The following ADAMTS17 variants were observed in gnomAD, a reference collection of about 807,000 sequenced individuals.
The protein encoded by ADAMTS17 is ADAM metallopeptidase with thrombospondin type 1 motif 17, also known as A disintegrin and metalloproteinase with thrombospondin motifs 17.
ADAMTS17 carries 113 observed loss-of-function variants against 141.5 expected under a neutral mutation model. The observed-to-expected ratio is 0.80, with a 90% CI of 0.69 to 0.93. The LOEUF (loss-of-function observed/expected upper bound fraction) is 0.93. Ranked by LOEUF, ADAMTS17 falls within the 40% of genes least tolerant of loss-of-function variation. The pLI, the probability that ADAMTS17 is intolerant of heterozygous loss-of-function variation, is 0.00. For synonymous variants in ADAMTS17, 768 were observed against 630.6 expected, an observed-to-expected ratio of 1.22 and a Z score of -3.27; for missense variants, 1,659 against 1,517.9, an observed-to-expected ratio of 1.09 and a Z score of -1.54.
chr15:99,978,872 T>C (rs1359119657), intron 20 of ADAMTS17: 1 of 152,210 alleles, frequency 6.6e-6, no homozygotes, highest in African/African-American at 2.4e-5. Flanking sequence ...GTGCTTGCAG[T>C]GGGCATTCAG....
intron 12 of ADAMTS17, among the ~76,000 whole-genome samples, chr15:100,130,911 G>T (rs1486818799): frequency 6.6e-6 from 1 of 152,072 alleles, no homozygotes; most frequent in African/African-American, 2.4e-5. Context: ...AAAGACACAC[G>T]CAGCCATATG....
chr15:100,299,599 C>G (rs909842558), intron 3 of ADAMTS17, among the ~76,000 whole-genome samples: 18 of 152,050 alleles, frequency 1.2e-4, no homozygotes, highest in African/African-American at 4.3e-4. Flanking sequence ...CAGAGCAAGA[C>G]AGGGCAAACA....
chr15:100,178,825 G>A (rs2040425986), intron 8 of ADAMTS17, among the ~76,000 whole-genome samples: 2 of 152,054 alleles, frequency 1.3e-5, no homozygotes, highest in Admixed American at 1.3e-4. Flanking sequence ...ATATAGGATT[G>A]AAAATTGAGA....
At chr15:100,054,840 A>G (rs1002980846) in intron 15 of ADAMTS17, among the ~76,000 whole-genome samples, 2 of 152,220 alleles carry the variant, frequency 1.3e-5, no homozygotes, top group African/African-American at 4.8e-5. Flanking sequence ...CTGACGGGCC[A>G]TAAGCAGAAA....
chr15:100,339,032 A>C (rs928023727), intron 2 of ADAMTS17: 8 of 985,422 alleles, frequency 8.1e-6, no homozygotes, highest in Non-Finnish European at 9.6e-6. Context: ...AGCTCACACG[A>C]ACGGGATGAA....
At chr15:100,153,393 C>T (rs1486823288) in intron 9 of ADAMTS17, among the ~76,000 whole-genome samples, 1 of 152,092 alleles carries the variant, frequency 6.6e-6, no homozygotes, top group Non-Finnish European at 1.5e-5. Context: ...GTAATCCCAG[C>T]ACTTTGGGAG....
At chr15:100,305,309 ATTTG>A (rs931410909) in intron 3 of ADAMTS17, among the ~76,000 whole-genome samples, 17 of 152,240 alleles carry the variant, frequency 1.1e-4, no homozygotes, top group African/African-American at 3.6e-4. Context: ...TTCTTGCCAG[ATTTG>A]TTTATTTGTT....
chr15:100,292,448 C>A (rs981995303), intron 3 of ADAMTS17, among the ~76,000 whole-genome samples: 3 of 148,178 alleles, frequency 2.0e-5, no homozygotes, highest in Non-Finnish European at 3.0e-5. Context: ...GAGACACTCA[C>A]CCCGTGTGAA....
intron 18 of ADAMTS17, among the ~76,000 whole-genome samples, chr15:100,030,998 C>T (rs1054701301): frequency 6.6e-6 from 1 of 152,226 alleles, no homozygotes; most frequent in Non-Finnish European, 1.5e-5. Flanking sequence ...ATAGTTTTGG[C>T]TGGCGTTCAC....
intron 10 of ADAMTS17, among the ~76,000 whole-genome samples, chr15:100,151,312 T>C (rs1382768564): frequency 6.6e-6 from 1 of 152,200 alleles, no homozygotes; most frequent in Non-Finnish European, 1.5e-5. Context: ...TTTAAGGAGC[T>C]GCCCTTTTTA....
rs186253461 is a variant in ADAMTS17, at chr15:99,981,046, G to A, written c.2950-4824C>T. 3.9e-5 allele frequency among the ~76,000 whole-genome samples: 6 copies of A among 152,318 alleles called. No homozygotes were observed. The East Asian group carries it at 1.2e-3, about 29-fold the overall frequency. ...GCCACTGAGGTTGGCACGGGTCCACGTCTTGCTCAAAGTTGCAGAGGTAGG... is the reference window on the plus strand; with the variant it reads ...GCCACTGAGGTTGGCACGGGTCCACATCTTGCTCAAAGTTGCAGAGGTAGG... On this transcript the variant is annotated intron_variant, in intron 20 of 21. Transcript: ENST00000268070.
At chr15:100,205,694 T>C (rs2041516881) in intron 7 of ADAMTS17, among the ~76,000 whole-genome samples, 1 of 152,198 alleles carries the variant, frequency 6.6e-6, no homozygotes, top group African/African-American at 2.4e-5. Context: ...TGACAAACAC[T>C]TTGTCAAGTG....
Position 100,061,352 on chromosome 15 carries a change from C to T in ADAMTS17, c.2138-7298G>A, listed in dbSNP as rs187144348. 3.3e-5 allele frequency among the ~76,000 whole-genome samples: 5 copies of T among 152,266 alleles called. No individual in the cohort carries two copies. In the East Asian group the frequency reaches 9.7e-4, roughly 29 times the overall value. The stretch of plus-strand genomic sequence containing the variant: ...AAGGAAGCAGAGCAAGACCTTGCAG[C>T]CCATTTAGGGAGATTAGGGATCGGC... On this transcript the variant is annotated intron_variant, in intron 15 of 21. Transcript: ENST00000268070.
chr15:100,085,681 G>A (rs1268454510), intron 15 of ADAMTS17, among the ~76,000 whole-genome samples: 2 of 150,976 alleles, frequency 1.3e-5, no homozygotes, highest in Middle Eastern at 3.2e-3. Flanking sequence ...AAGAGAGTGG[G>A]GACCAATATT....
intron 14 of ADAMTS17, among the ~76,000 whole-genome samples, chr15:100,102,701 C>G (rs4965586): frequency 0.051 from 7,741 of 152,196 alleles, 388 homozygotes; most frequent in African/African-American, 0.12. Flanking sequence ...GACCTCTAAC[C>G]CCAACGCAGA....
intron 15 of ADAMTS17, chr15:100,063,572 G>T: frequency 9.5e-7 from 1 of 1,051,988 alleles, no homozygotes; most frequent in Non-Finnish European, 1.3e-6. Flanking sequence ...ACACAGGCGT[G>T]AAACCAGCCA....
intron 15 of ADAMTS17, among the ~76,000 whole-genome samples, chr15:100,065,847 T>C (rs1233359683): frequency 1.3e-5 from 2 of 152,160 alleles, no homozygotes; most frequent in East Asian, 3.9e-4. Context: ...CATTAGGTAT[T>C]TGTCCTAATG....
chr15:100,258,868 C>A (rs1014973598), intron 6 of ADAMTS17, among the ~76,000 whole-genome samples: 1 of 152,118 alleles, frequency 6.6e-6, no homozygotes, highest in South Asian at 2.1e-4. Context: ...ATTGAGGGTG[C>A]GTCATGACTG....
At chr15:100,325,188 A>AC (rs1228479877) in intron 3 of ADAMTS17, among the ~76,000 whole-genome samples, 2 of 151,834 alleles carry the variant, frequency 1.3e-5, no homozygotes, top group Non-Finnish European at 2.9e-5. Flanking sequence ...AGACATCACC[A>AC]CCCCATGGTG....
Sources: allele counts gnomAD v4.1 joint callset (sites outside exome capture counted in the v4.1 genomes callset), GRCh38; gene constraint gnomAD v4.1.1; transcripts MANE v1.5; gene names NCBI Gene and HGNC (gene_info 2026-07-23, HGNC 2026-07-21).